Variants in SCUBE1 observed in about 807,000 individuals in gnomAD.
SCUBE1 encodes the protein signal peptide, CUB and EGF-like domain-containing protein 1.
In SCUBE1, 59 loss-of-function variants were observed where a neutral mutation model predicts 124.4. The observed-to-expected ratio is 0.47, with a 90% CI of 0.38 to 0.59. The LOEUF is 0.59. Ranked by LOEUF, SCUBE1 falls within the 20% of genes least tolerant of loss-of-function variation. SCUBE1 has a pLI of 0.00. For synonymous variants in SCUBE1, 545 were observed against 550.9 expected (o/e 0.99, Z 0.15); for missense variants, 1,150 against 1,371.2 (o/e 0.84, Z 2.55).
chr22:43,236,936 G>T (rs1225039011), intron 7 of SCUBE1, among the ~76,000 whole-genome samples: 1 of 152,204 alleles, frequency 6.6e-6, no homozygotes, highest in African/African-American at 2.4e-5. Flanking sequence ...GTGAGCGAGC[G>T]AGTGAGATGA....
At position 43,343,223 on chromosome 22, in the gene SCUBE1, C is replaced by G. The variant is rs573481211; in HGVS notation, c.39G>C (p.Leu13=). ...AAAVRWHLCV[L]LALGTRGRLA... The stretch of plus-strand genomic sequence containing the variant: ...GCCGCCCGCGTGTGCCCAGGGCCAG[C>G]AGCACGCACAAGTGCCAGCGCACGG... Residue 13 remains leucine (L), a synonymous_variant, in exon 1 of 22, where the codon CTG becomes CTC. Coordinates refer to ENST00000360835, the MANE Select transcript of SCUBE1 (RefSeq NM_173050.5). 1,260 of 1,214,936 alleles carry G rather than the reference C, an allele frequency of 1.0e-3. 6 individuals carry two copies. The highest frequency in any genetic ancestry group is 8.8e-4 in the Non-Finnish European group (851 of 969,672). 75.3% of individuals were successfully genotyped at this position (1,214,936 alleles called of 1,614,324 possible). A position where few individuals can be genotyped will look rare whatever the true frequency, so the allele number is the denominator to read the frequency against.
chr22:43,341,517 C>A (rs1440439963), intron 1 of SCUBE1, among the ~76,000 whole-genome samples: 4 of 152,222 alleles, frequency 2.6e-5, no homozygotes, highest in African/African-American at 9.6e-5. Flanking sequence ...GCCCTCACCC[C>A]TAATCTCCCA....
At position 43,222,642 on chromosome 22, in the gene SCUBE1, G is replaced by T. The variant is rs1158544575; in HGVS notation, c.1428C>A (p.Cys476Ter). 1 of 1,586,208 alleles carries T rather than the reference G, an allele frequency of 6.3e-7. No homozygotes were observed. The highest frequency in any genetic ancestry group is 8.6e-7 in the Non-Finnish European group (1 of 1,167,646). ...TGGACAGGCCGGGGGGGTTACCTGA[G>T]CAGCTGGGCCCGAGGCCAGAGCTGG... Reference protein sequence around the residue: ...NGTSSGLGPSCSDAPTTPIKQ... With the variant: ...NGTSSGLGPS The change falls in exon 12 of 22, where the codon TGC becomes TGA. Residue 476 changes from cysteine (C) to a stop codon, truncating the protein, a stop_gained. Transcript: ENST00000360835. LOFTEE classifies it high-confidence loss of function.
intron 3 of SCUBE1, among the ~76,000 whole-genome samples, chr22:43,291,593 G>A (rs887407120): frequency 3.3e-5 from 5 of 151,782 alleles, no homozygotes; most frequent in East Asian, 3.9e-4. Flanking sequence ...ACAGTGGTAC[G>A]GTGGGCTCCC....
At chr22:43,323,588 ACATC>A (rs56143728) in intron 2 of SCUBE1, among the ~76,000 whole-genome samples, 16,637 of 148,622 alleles carry the variant, frequency 0.11, 1,046 homozygotes, top group African/African-American at 0.15. Context: ...ACCCATCCAA[ACATC>A]CATCCATCCA....
intron 14 of SCUBE1, among the ~76,000 whole-genome samples, chr22:43,219,353 C>A (rs1381459533): frequency 6.6e-6 from 1 of 152,182 alleles, no homozygotes; most frequent in Non-Finnish European, 1.5e-5. Flanking sequence ...CCTAAGGCCT[C>A]GCCAGGCAGA....
In SCUBE1 at chr22:43,208,117, C is replaced by G. The variant is rs1921374761; in HGVS notation, c.2689G>C (p.Gly897Arg). Reference sequence around the variant, plus strand: ...ACTTGGAAGCCTTTGCCGCTGTTGCCTTCATTGGATTTGAACTGGATCCAG... The same window carrying G: ...ACTTGGAAGCCTTTGCCGCTGTTGCGTTCATTGGATTTGAACTGGATCCAG... Reference protein sequence around the residue: ...KLWIQFKSNEGNSGKGFQVPY... With the variant: ...KLWIQFKSNERNSGKGFQVPY... Residue 897 changes from glycine to arginine, a missense_variant, in exon 20 of 22, where the codon GGC (glycine) becomes CGC (arginine). Transcript: ENST00000360835. 6.8e-6 allele frequency: 11 copies of G among 1,614,024 alleles called. No homozygotes were observed. Among genetic ancestry groups the G allele is most frequent in the African/African-American group, 1.3e-5 (1 of 74,924 alleles).
At chr22:43,280,514 C>A (rs1273138129) in intron 4 of SCUBE1, among the ~76,000 whole-genome samples, 4 of 137,748 alleles carry the variant, frequency 2.9e-5, no homozygotes, top group Non-Finnish European at 4.7e-5. Flanking sequence ...CCTCACCCAT[C>A]CTGCTGTCCC....
In SCUBE1 at chr22:43,222,718, C is replaced by G; in HGVS notation, c.1352G>C (p.Ser451Thr). ...GCCCTGCGGCCCTGGAACTCCGCAGCTCAGGACGTAGCTATTTTCCGAGTC... is the reference window on the plus strand; with the variant it reads ...GCCCTGCGGCCCTGGAACTCCGCAGGTCAGGACGTAGCTATTTTCCGAGTC... ...VPDSENSYVL[S>T]CGVPGPQGKA... Residue 451 changes from serine (S) to threonine (T), a missense_variant, in exon 12 of 22, where the codon AGC (serine) becomes ACC (threonine). By Grantham distance (58) the Ser-to-Thr change is moderately conservative. This residue lies in a region of SCUBE1 where 757 missense variants were observed against 840.9 expected (regional missense o/e 0.90). Coordinates refer to ENST00000360835, the MANE Select transcript of SCUBE1 (RefSeq NM_173050.5). 1.2e-6 allele frequency: 2 copies of G among 1,605,144 alleles called. No homozygotes were observed. The highest frequency in any genetic ancestry group is 1.7e-6 in the Non-Finnish European group (2 of 1,175,896).
rs2146658860 is a variant in SCUBE1 at position 43,214,192 on chromosome 22, G to A, written c.1951C>T (p.Pro651Ser). The A allele has an allele frequency of 6.2e-7, 1 of 1,613,118 alleles. No homozygotes were observed. The highest frequency in any genetic ancestry group is 1.7e-5 in the Admixed American group (1 of 60,022). ...CCTTCCATGTCCTGGTATGTTCCTG[G>A]CATACATGACACACACTGGCCGAGC... is the stretch of plus-strand genomic sequence containing the variant. ...GELGQCVSCMPGTYQDMEGQL... is the reference protein window; with the variant it reads ...GELGQCVSCMSGTYQDMEGQL... The change falls in exon 16 of 22, where the codon CCA becomes TCA. Residue 651 changes from proline to serine, a missense_variant. Physicochemically the swap from Pro to Ser is moderately conservative, Grantham distance 74 (BLOSUM62 -1). Transcript: ENST00000360835.
At chr22:43,262,681 C>T (rs772953929) in intron 5 of SCUBE1, 39 bp downstream of exon 5, 65 of 1,607,680 alleles carry the variant, frequency 4.0e-5, no homozygotes, top group Middle Eastern at 1.8e-4. Flanking sequence ...TGGCAGGAGA[C>T]GCACGGGACG....
rs1483085568 is a variant in SCUBE1 at position 43,210,009 on chromosome 22, A to C, written c.2581+34T>G. ...CGAGACGGGGGTGCACACGCAGCTG[A>C]GGCTGCCTCTGGTCCCCTCGGCCCC... is the stretch of plus-strand genomic sequence containing the variant. On this transcript the variant is annotated intron_variant, in intron 19 of 21. Transcript: ENST00000360835. The surrounding 1 kb of genome is among the most constrained non-coding windows in gnomAD (Gnocchi z 4.5). 1 of 1,559,460 alleles carries C rather than the reference A, an allele frequency of 6.4e-7. No individual in the cohort carries two copies. The highest frequency in any genetic ancestry group is 1.2e-5 in the South Asian group (1 of 84,020).
intron 21 of SCUBE1, among the ~76,000 whole-genome samples, chr22:43,207,271 G>A (rs1168418987): frequency 6.6e-5 from 10 of 152,052 alleles, no homozygotes; most frequent in Admixed American, 3.3e-4. Context: ...GGTGAGGAAT[G>A]TGCCTGAGGC....
intron 3 of SCUBE1, among the ~76,000 whole-genome samples, chr22:43,304,323 G>A (rs1363689947): frequency 6.6e-6 from 1 of 152,258 alleles, no homozygotes; most frequent in Non-Finnish European, 1.5e-5. Flanking sequence ...AGGGGTGCAA[G>A]GCACCACACT....
rs1923607666 is a variant in SCUBE1 at position 43,255,162 on chromosome 22, A to C, written c.727+3057T>G. On this transcript the variant is annotated intron_variant, in intron 6 of 21. Coordinates refer to ENST00000360835, the MANE Select transcript of SCUBE1 (RefSeq NM_173050.5). The surrounding 1 kb of genome is among the most constrained non-coding windows in gnomAD (Gnocchi z 4.7). Reference sequence around the variant, plus strand: ...AGCTTTACGACACACGTCTCCTTACACGCACAGGCCAGTGGATACTAGCCC... The same window carrying C: ...AGCTTTACGACACACGTCTCCTTACCCGCACAGGCCAGTGGATACTAGCCC... Among the ~76,000 whole-genome samples the C allele has an allele frequency of 6.6e-6, 1 of 152,190 alleles. No individual in the cohort carries two copies. The highest frequency in any genetic ancestry group is 6.5e-5 in the Admixed American group (1 of 15,282).
At chr22:43,285,311 G>T (rs534998390) in intron 4 of SCUBE1, among the ~76,000 whole-genome samples, 1 of 152,166 alleles carries the variant, frequency 6.6e-6, no homozygotes, top group African/African-American at 2.4e-5. Context: ...ACGCTGAACT[G>T]CTCACCACCC....
At chr22:43,207,649 G>A (rs1433910341) in intron 20 of SCUBE1, 36 bp from the exon 21 acceptor site, 1 of 1,532,484 alleles carries the variant, frequency 6.5e-7, no homozygotes, top group Non-Finnish European at 9.0e-7. Context: ...AGGAAGGCGA[G>A]GGGCTTGAGG....
intron 6 of SCUBE1, among the ~76,000 whole-genome samples, chr22:43,251,900 G>A (rs1220724977): frequency 6.6e-6 from 1 of 152,226 alleles, no homozygotes; most frequent in Non-Finnish European, 1.5e-5. Context: ...GACCAGCGTG[G>A]CGCGTAGCAC....
intron 3 of SCUBE1, among the ~76,000 whole-genome samples, chr22:43,311,866 G>A (rs1267291940): frequency 6.6e-6 from 1 of 152,010 alleles, no homozygotes; most frequent in African/African-American, 2.4e-5. Context: ...TATATCCTGG[G>A]TATTTAGGAC....
Sources: allele counts gnomAD v4.1 joint callset (sites outside exome capture counted in the v4.1 genomes callset), GRCh38; gene constraint gnomAD v4.1.1; regional missense constraint gnomAD v4.1.1; non-coding constraint Gnocchi (gnomAD v3.1); transcripts MANE v1.5; gene names NCBI Gene and HGNC (gene_info 2026-07-23, HGNC 2026-07-21).